Variants in PIK3C2G observed in about 807,000 individuals in gnomAD.
PIK3C2G encodes phosphatidylinositol 3-kinase C2 domain-containing subunit gamma.
PIK3C2G carries 168 observed loss-of-function variants against 181.1 expected under a neutral mutation model. That is an observed-to-expected ratio of 0.93 (90% CI 0.82 to 1.05). The LOEUF (loss-of-function observed/expected upper bound fraction) is 1.05, where lower values mean the gene tolerates loss of function less well. Ranked by LOEUF, PIK3C2G falls within the 50% of genes least tolerant of loss-of-function variation. The pLI is 0.00. For synonymous variants in PIK3C2G, 573 were observed against 592.2 expected, an observed-to-expected ratio of 0.97 and a Z score of 0.47; for missense variants, 1,869 against 1,732.8, an observed-to-expected ratio of 1.08 and a Z score of -1.40.
chr12:18,461,540 T>A (rs542812922), intron 18 of PIK3C2G, among the ~76,000 whole-genome samples: 2 of 152,322 alleles, frequency 1.3e-5, no homozygotes, highest in Non-Finnish European at 2.9e-5. Flanking sequence ...TTTATTAAGG[T>A]TGTAAGGATT....
At chr12:18,356,602 A>T (rs1422100747) in intron 11 of PIK3C2G, among the ~76,000 whole-genome samples, 1 of 152,138 alleles carries the variant, frequency 6.6e-6, no homozygotes, top group Non-Finnish European at 1.5e-5. Flanking sequence ...GAATTAGGTC[A>T]CATGAACAAA....
At chr12:18,430,061 A>G (rs552366651) in intron 18 of PIK3C2G, among the ~76,000 whole-genome samples, 1 of 152,146 alleles carries the variant, frequency 6.6e-6, no homozygotes, top group East Asian at 1.9e-4. Flanking sequence ...TTACTCCCTC[A>G]TAAGATTTTT....
chr12:18,513,102 A>T (rs951095331), intron 24 of PIK3C2G, among the ~76,000 whole-genome samples: 12 of 151,776 alleles, frequency 7.9e-5, no homozygotes, highest in African/African-American at 2.9e-4. Flanking sequence ...ACATTTATTA[A>T]TCTGGGTATG....
chr12:18,376,048 A>G (rs896859779), intron 13 of PIK3C2G, among the ~76,000 whole-genome samples: 5 of 152,212 alleles, frequency 3.3e-5, no homozygotes, highest in Admixed American at 2.0e-4. Flanking sequence ...GATCCCTCAC[A>G]GAGAACCTCT....
chr12:18,621,926 G>A (rs1376436282), intron 31 of PIK3C2G, among the ~76,000 whole-genome samples: 1 of 151,398 alleles, frequency 6.6e-6, no homozygotes, highest in Non-Finnish European at 1.5e-5. Context: ...TTTTATATTG[G>A]ATATTGACAA....
At chr12:18,271,113 C>A (rs1487122153) in intron 1 of PIK3C2G, among the ~76,000 whole-genome samples, 1 of 152,084 alleles carries the variant, frequency 6.6e-6, no homozygotes, top group Non-Finnish European at 1.5e-5. Context: ...AGGAGACAGG[C>A]CCACCACATT....
intron 18 of PIK3C2G, among the ~76,000 whole-genome samples, chr12:18,471,417 T>C (rs1487366294): frequency 1.3e-5 from 2 of 152,198 alleles, no homozygotes; most frequent in Non-Finnish European, 2.9e-5. Flanking sequence ...ATTTAAGACC[T>C]TCCAAATCTA....
chr12:18,482,711 A>ACT (rs1939679156), intron 18 of PIK3C2G, among the ~76,000 whole-genome samples: 1 of 152,046 alleles, frequency 6.6e-6, no homozygotes, highest in Non-Finnish European at 1.5e-5. Flanking sequence ...AGAAGTCTAA[A>ACT]CTGGGGTAAC....
chr12:18,591,341 T>C (rs766944824), intron 29 of PIK3C2G, among the ~76,000 whole-genome samples: 19 of 151,962 alleles, frequency 1.3e-4, no homozygotes, highest in Non-Finnish European at 2.2e-4. Context: ...AAGACAGACA[T>C]CAGTTTGTTT....
chr12:18,637,540 G>A (rs1472162002), intron 31 of PIK3C2G, among the ~76,000 whole-genome samples: 2 of 152,082 alleles, frequency 1.3e-5, no homozygotes, highest in African/African-American at 4.8e-5. Flanking sequence ...TGGCCCTGCT[G>A]TCCGCTATGG....
intron 18 of PIK3C2G, among the ~76,000 whole-genome samples, chr12:18,471,146 T>C (rs948784291): frequency 6.6e-6 from 1 of 152,124 alleles, no homozygotes; most frequent in African/African-American, 2.4e-5. Flanking sequence ...AAACTTGTAC[T>C]CATTTTGACA....
chr12:18,623,435 A>G (rs146013084), intron 31 of PIK3C2G, among the ~76,000 whole-genome samples: 12 of 151,838 alleles, frequency 7.9e-5, no homozygotes, highest in Non-Finnish European at 1.3e-4. Context: ...TTTAATTACT[A>G]TCATTTTGTT....
intron 31 of PIK3C2G, among the ~76,000 whole-genome samples, chr12:18,637,808 A>T (rs1048767674): frequency 1.3e-5 from 2 of 151,752 alleles, no homozygotes; most frequent in Non-Finnish European, 2.9e-5. Flanking sequence ...TGACGAATCC[A>T]CTCTCCATAT....
At position 18,647,934 on chromosome 12, in the gene PIK3C2G, G is replaced by C; in HGVS notation, c.4367G>C (p.Ser1456Thr). ...QGHVLMLIVK[S>T]KTVFVGAINI... ...CATGTCTTAATGCTTATTGTGAAGAGTAAAACTGTATTTGTGGGAGCAATT... is the reference window on the plus strand; with the variant it reads ...CATGTCTTAATGCTTATTGTGAAGACTAAAACTGTATTTGTGGGAGCAATT... Residue 1456 changes from serine to threonine, a missense_variant, in exon 33 of 33, where the codon AGT (serine) becomes ACT (threonine). Physicochemically the swap from Ser to Thr is moderately conservative, Grantham distance 58. Coordinates refer to ENST00000538779, the MANE Select transcript of PIK3C2G (RefSeq NM_001288772.2). 1 of 1,599,370 alleles carries C rather than the reference G, an allele frequency of 6.3e-7. No individual in the cohort carries two copies. Among genetic ancestry groups the C allele is most frequent in the Non-Finnish European group, 8.5e-7 (1 of 1,170,762 alleles).
downstream of PIK3C2G, among the ~76,000 whole-genome samples, chr12:18,649,235 A>C (rs1053120428): frequency 1.3e-5 from 2 of 152,124 alleles, no homozygotes; most frequent in African/African-American, 4.8e-5. Flanking sequence ...AATTAGAATC[A>C]GTAAAAAGAA....
intron 31 of PIK3C2G, among the ~76,000 whole-genome samples, chr12:18,613,365 G>A (rs1257698590): frequency 1.3e-5 from 2 of 151,970 alleles, no homozygotes; most frequent in Non-Finnish European, 2.9e-5. Flanking sequence ...ACAACTCAAA[G>A]GTGGTACCTT....
intron 3 of PIK3C2G, among the ~76,000 whole-genome samples, chr12:18,289,477 G>C (rs930660714): frequency 3.9e-5 from 6 of 152,152 alleles, no homozygotes; most frequent in Non-Finnish European, 5.9e-5. Flanking sequence ...AACTCATAAG[G>C]CTCCTCAATC....
intron 9 of PIK3C2G, 75 bp downstream of exon 9, chr12:18,338,623 T>C: frequency 9.2e-6 from 9 of 977,640 alleles, no homozygotes; most frequent in Non-Finnish European, 1.1e-5. Flanking sequence ...GAAAGACTTT[T>C]TACTAACAAC....
the PIK3C2G span, among the ~76,000 whole-genome samples, chr12:18,702,949 T>A: frequency 6.6e-6 from 1 of 151,056 alleles, no homozygotes; most frequent in Non-Finnish European, 1.5e-5. Flanking sequence ...GCCTCCCAAG[T>A]AGCTGGGATT....
Sources: allele counts gnomAD v4.1 joint callset (sites outside exome capture counted in the v4.1 genomes callset), GRCh38; gene constraint gnomAD v4.1.1; transcripts MANE v1.5; gene names NCBI Gene and HGNC (gene_info 2026-07-23, HGNC 2026-07-21).